PAK4: variants seen among roughly 807,000 people sequenced by gnomAD.
PAK4 encodes p21 (RAC1) activated kinase 4.
A neutral mutation model predicts 53.5 loss-of-function variants in PAK4; 49 were observed. That is an observed-to-expected ratio of 0.92 (90% confidence interval 0.73 to 1.16). The LOEUF (loss-of-function observed/expected upper bound fraction) is 1.16. Among genes scored for constraint, PAK4 ranks in the 50% most tolerant of loss-of-function variants. The pLI is 0.00. For missense variants in PAK4, 824 were observed against 850.7 expected (o/e 0.97, Z 0.39); for synonymous variants, 376 against 375.6 (o/e 1.00, Z -0.01).
At chr19:39,160,821 T>C (rs764444892) in intron 1 of PAK4, among the ~76,000 whole-genome samples, 1 of 152,226 alleles carries the variant, frequency 6.6e-6, no homozygotes, top group African/African-American at 2.4e-5. Context: ...GCTTTTCTGG[T>C]CTTGGTCTGG....
At chr19:39,126,318 C>T (rs1353037587) in intron 1 of PAK4, among the ~76,000 whole-genome samples, 7 of 151,588 alleles carry the variant, frequency 4.6e-5, no homozygotes, top group African/African-American at 1.2e-4. Context: ...GTTTTAGGTT[C>T]GGGGGCGTCT....
rs762083682 is a variant in PAK4 at position 39,173,812 on chromosome 19, C to G, written c.900C>G (p.Ser300=). The G allele has an allele frequency of 1.2e-6, 2 of 1,611,688 alleles. No homozygotes were observed. Among genetic ancestry groups the G allele is most frequent in the South Asian group, 1.1e-5 (1 of 90,954 alleles). ...CACAGCGGGAGCCACAGCGAGTATC[C>G]CATGAGCAGTTCCGGGCTGCCCTGC... The change falls in exon 4 of 9, where the codon TCC becomes TCG. Residue 300 remains serine (S), a synonymous_variant. Coordinates refer to ENST00000358301, the Ensembl canonical transcript of PAK4. The surrounding 1 kb of genome is among the most constrained non-coding windows in gnomAD (Gnocchi z 6.9).
chr19:39,148,063 T>C (rs2074032775), intron 1 of PAK4, among the ~76,000 whole-genome samples: 1 of 151,656 alleles, frequency 6.6e-6, no homozygotes, highest in African/African-American at 2.4e-5. Context: ...GCGATTTTTC[T>C]GCCTCAGCCT....
At chr19:39,151,609 C>A (rs1293493796) in intron 1 of PAK4, among the ~76,000 whole-genome samples, 1 of 152,216 alleles carries the variant, frequency 6.6e-6, no homozygotes, top group Non-Finnish European at 1.5e-5. Context: ...ACGGTCCTTC[C>A]ACACAGCTGC....
intron 4 of PAK4, among the ~76,000 whole-genome samples, chr19:39,174,513 G>A (rs867536733): frequency 3.6e-4 from 55 of 151,872 alleles, no homozygotes; most frequent in Middle Eastern, 3.4e-3. Context: ...TCCCTTTGCC[G>A]GGTGTGTGAG....
In PAK4 at chr19:39,146,326, C is replaced by G. The variant is rs541856733; in HGVS notation, c.-23+20407C>G. Among the ~76,000 whole-genome samples the G allele has an allele frequency of 2.3e-3, 346 of 152,228 alleles. 4 individuals are homozygous for G. Among genetic ancestry groups the G allele is most frequent in the Middle Eastern group, 3.4e-3 (1 of 294 alleles). On this transcript the variant is annotated intron_variant, in intron 1 of 8. Coordinates refer to ENST00000358301, the Ensembl canonical transcript of PAK4. The stretch of plus-strand genomic sequence containing the variant: ...GACTGTGGGAGGCCCTGGCTCCAGC[C>G]TAGGAAATCAAGGAAGGCCTCCTGG...
chr19:39,163,899 G>A (rs1364802556), intron 1 of PAK4, among the ~76,000 whole-genome samples: 1 of 152,202 alleles, frequency 6.6e-6, no homozygotes, highest in African/African-American at 2.4e-5. Flanking sequence ...ACTGTGTGCT[G>A]CCCTGGGCTA....
At chr19:39,141,858 C>G (rs1028538620) in intron 1 of PAK4, among the ~76,000 whole-genome samples, 1 of 152,178 alleles carries the variant, frequency 6.6e-6, no homozygotes, top group African/African-American at 2.4e-5. Context: ...AACTCCTGAC[C>G]TCAAGTGATC....
At chr19:39,182,301 T>C (rs2074707136), downstream of PAK4, 1 of 152,218 alleles carries the variant, frequency 6.6e-6, no homozygotes, top group Non-Finnish European at 1.5e-5. Context: ...GGCCAGAGCT[T>C]AGTCACGCAG....
At chr19:39,142,261 G>A (rs997375824) in intron 1 of PAK4, among the ~76,000 whole-genome samples, 3 of 152,156 alleles carry the variant, frequency 2.0e-5, no homozygotes, top group South Asian at 4.1e-4. Flanking sequence ...GTCATTGCAC[G>A]TGTTCTCTGT....
At chr19:39,148,546 C>T (rs1307860935) in intron 1 of PAK4, among the ~76,000 whole-genome samples, 1 of 138,140 alleles carries the variant, frequency 7.2e-6, no homozygotes, top group Non-Finnish European at 1.5e-5. Flanking sequence ...CCTCTGCCTC[C>T]TGGGTTCAAG....
chr19:39,131,271 T>C (rs1337188964), intron 1 of PAK4, among the ~76,000 whole-genome samples: 1 of 152,136 alleles, frequency 6.6e-6, no homozygotes, highest in South Asian at 2.1e-4. Context: ...CAGGCTCCTT[T>C]GTTGACAGAA....
Position 39,163,727 on chromosome 19 carries a change from C to T in PAK4, c.-22-5805C>T, listed in dbSNP as rs1040906480. Among the ~76,000 whole-genome samples the T allele has an allele frequency of 9.8e-5, 15 of 152,318 alleles. No homozygotes were observed. The South Asian group carries it at 1.2e-3, about 13-fold the overall frequency. ...CTGGACTTCAGAGGCATCTGTGCCC[C>T]GGCTGGGGCAGAAGGCTGCACCTTC... On this transcript the variant is annotated intron_variant, in intron 1 of 8. Coordinates refer to ENST00000358301, the Ensembl canonical transcript of PAK4.
At chr19:39,158,427 C>G (rs1318125725) in intron 1 of PAK4, among the ~76,000 whole-genome samples, 1 of 152,146 alleles carries the variant, frequency 6.6e-6, no homozygotes, top group South Asian at 2.1e-4. Context: ...GGGGCAGGGC[C>G]TCTTTCCTGC....
intron 1 of PAK4, among the ~76,000 whole-genome samples, chr19:39,128,320 A>C (rs1036543349): frequency 5.3e-5 from 8 of 152,112 alleles, no homozygotes; most frequent in African/African-American, 1.9e-4. Flanking sequence ...CCTCAGAGAC[A>C]GTGGAGGCCC....
chr19:39,155,880 C>T (rs1600358552), intron 1 of PAK4, among the ~76,000 whole-genome samples: 1 of 152,258 alleles, frequency 6.6e-6, no homozygotes, highest in African/African-American at 2.4e-5. Context: ...AGCCCCGGAG[C>T]CCATGCCTGT....
In PAK4 at chr19:39,173,389, C is replaced by G. The variant is rs754244325; in HGVS notation, c.663+13C>G. 27 of 1,509,122 alleles carry G rather than the reference C, an allele frequency of 1.8e-5. No individual in the cohort carries two copies. Among genetic ancestry groups the G allele is most frequent in the Non-Finnish European group, 2.4e-5 (27 of 1,126,810 alleles). 93.5% of individuals were successfully genotyped at this position (1,509,122 alleles called of 1,614,324 possible). A position where few individuals can be genotyped will look rare whatever the true frequency, so the allele number is the denominator to read the frequency against. On this transcript the variant is annotated intron_variant, in intron 3 of 8. Coordinates refer to ENST00000358301, the Ensembl canonical transcript of PAK4. The surrounding 1 kb of genome is among the most constrained non-coding windows in gnomAD (Gnocchi z 6.9). ...CCGGGGTGCCCAGGTAACCCATCCC[C>G]CGCCCCAGGGCCCCCACTGTCCCCT...
intron 2 of PAK4, among the ~76,000 whole-genome samples, chr19:39,170,177 G>C (rs530674478): frequency 2.6e-5 from 4 of 152,288 alleles, no homozygotes; most frequent in Admixed American, 2.6e-4. Flanking sequence ...GGCTTGGGTG[G>C]GGGAGCCCGG....
chr19:39,126,684 T>C (rs1461879594), intron 1 of PAK4, among the ~76,000 whole-genome samples: 2 of 152,172 alleles, frequency 1.3e-5, no homozygotes, highest in South Asian at 2.1e-4. Context: ...GCTGGGATTC[T>C]AACTCCGGAG....
Sources: allele counts gnomAD v4.1 joint callset (sites outside exome capture counted in the v4.1 genomes callset), GRCh38; gene constraint gnomAD v4.1.1; non-coding constraint Gnocchi (gnomAD v3.1); transcripts MANE v1.5; gene names NCBI Gene and HGNC (gene_info 2026-07-23, HGNC 2026-07-21).